The following DYM variants were observed in gnomAD, a reference collection of about 807,000 sequenced individuals.
DYM encodes the protein dymeclin.
In DYM, 78 loss-of-function variants were observed where a neutral mutation model predicts 93.1. That is an observed-to-expected ratio of 0.84 (90% CI 0.70 to 1.01). DYM has a LOEUF of 1.01. DYM is among the 50% of genes least tolerant of loss of function. The probability of loss-of-function intolerance (pLI) is 0.00; values close to 1 mark genes in which losing one functional copy is unlikely to be tolerated. For synonymous variants in DYM, 321 were observed against 319.7 expected (o/e 1.00, Z -0.04); for missense variants, 789 against 845.0 (o/e 0.93, Z 0.82).
intron 2 of DYM, among the ~76,000 whole-genome samples, chr18:49,411,701 T>C (rs1048628684): frequency 1.3e-5 from 2 of 152,184 alleles, no homozygotes; most frequent in African/African-American, 4.8e-5. Flanking sequence ...ACATAAACAC[T>C]GAAAATCCTT....
At chr18:49,072,436 C>T (rs1452428505) in intron 17 of DYM, among the ~76,000 whole-genome samples, 1 of 152,140 alleles carries the variant, frequency 6.6e-6, no homozygotes, top group African/African-American at 2.4e-5. Flanking sequence ...TGAAAGTAGC[C>T]CCCAGACTCA....
chr18:49,202,586 A>G (rs1377571247), intron 14 of DYM, among the ~76,000 whole-genome samples: 23 of 124,246 alleles, frequency 1.9e-4, no homozygotes, highest in African/African-American at 7.4e-4. Flanking sequence ...CTAGGAAGTG[A>G]GGAGCGTCTC....
chr18:49,340,436 T>C (rs1013185652), intron 6 of DYM, among the ~76,000 whole-genome samples: 1 of 152,100 alleles, frequency 6.6e-6, no homozygotes, highest in Non-Finnish European at 1.5e-5. Context: ...AACATACATA[T>C]GTAGAAGTAA....
chr18:49,256,403 G>A (rs941441180), intron 13 of DYM, among the ~76,000 whole-genome samples: 3 of 152,140 alleles, frequency 2.0e-5, no homozygotes, highest in Admixed American at 6.6e-5. Context: ...ACAGAGGAAG[G>A]GGCCATGAGC....
intron 13 of DYM, among the ~76,000 whole-genome samples, chr18:49,225,007 A>T (rs2144211917): frequency 6.6e-6 from 1 of 152,230 alleles, no homozygotes; most frequent in Non-Finnish European, 1.5e-5. Flanking sequence ...CGAGACAGAA[A>T]ATGTCCACTG....
At chr18:49,104,691 C>T (rs1257189424) in intron 16 of DYM, among the ~76,000 whole-genome samples, 1 of 152,102 alleles carries the variant, frequency 6.6e-6, no homozygotes, top group Admixed American at 6.6e-5. Flanking sequence ...GTCATTGGTT[C>T]TGTTTATATG....
intron 15 of DYM, among the ~76,000 whole-genome samples, chr18:49,127,312 G>A (rs1233176485): frequency 1.3e-5 from 2 of 152,194 alleles, no homozygotes; most frequent in African/African-American, 4.8e-5. Flanking sequence ...CAAATTCTAT[G>A]CGAAGTAGTA....
intron 13 of DYM, among the ~76,000 whole-genome samples, chr18:49,227,115 T>A (rs2093560408): frequency 6.6e-6 from 1 of 152,170 alleles, no homozygotes; most frequent in Admixed American, 6.5e-5. Flanking sequence ...TAAACAGGTA[T>A]AAAATAGCAC....
intron 15 of DYM, among the ~76,000 whole-genome samples, chr18:49,135,109 G>A (rs1371437010): frequency 6.6e-6 from 1 of 151,406 alleles, no homozygotes; most frequent in Admixed American, 6.6e-5. Context: ...ACTCCATCTC[G>A]GAAAAAAACA....
chr18:49,434,894 T>C (rs1419544046), intron 1 of DYM, among the ~76,000 whole-genome samples: 1 of 151,986 alleles, frequency 6.6e-6, no homozygotes, highest in African/African-American at 2.4e-5. Flanking sequence ...AAAAAATTTA[T>C]AAACTGAGCT....
chr18:49,189,260 G>A (rs1434137066), intron 14 of DYM, among the ~76,000 whole-genome samples: 3 of 152,136 alleles, frequency 2.0e-5, no homozygotes. Context: ...TCAGCATCAT[G>A]CAATATATCC....
chr18:49,059,110 C>T (rs1233841414), intron 17 of DYM, among the ~76,000 whole-genome samples: 1 of 152,172 alleles, frequency 6.6e-6, no homozygotes, highest in Non-Finnish European at 1.5e-5. Flanking sequence ...AAAGATGTTT[C>T]AAGATAAAAC....
Position 49,439,424 on chromosome 18 carries a change from G to A in DYM, c.-53-8977C>T, listed in dbSNP as rs1161573468. On this transcript the variant is annotated intron_variant, in intron 1 of 17. Coordinates refer to ENST00000675505, the MANE Select transcript of DYM (RefSeq NM_001353214.3). The stretch of plus-strand genomic sequence containing the variant: ...ACTACTCCCCTAAAGCTGCAATTAC[G>A]TAAAAGCTGCCTTGAAATGTTATTT... Among the ~76,000 whole-genome samples the A allele has an allele frequency of 5.9e-5, 9 of 152,082 alleles. 1 individual carries two copies. In the South Asian group the frequency reaches 8.3e-4, roughly 14 times the overall value.
chr18:49,298,274 T>C (rs1167959684), intron 8 of DYM, among the ~76,000 whole-genome samples: 1 of 152,172 alleles, frequency 6.6e-6, no homozygotes, highest in Non-Finnish European at 1.5e-5. Flanking sequence ...TATCCACCTT[T>C]GTAGTTTCAA....
intron 14 of DYM, among the ~76,000 whole-genome samples, chr18:49,167,015 T>C (rs1282591959): frequency 6.7e-6 from 1 of 150,208 alleles, no homozygotes; most frequent in East Asian, 1.9e-4. Flanking sequence ...TGTGTGTGTG[T>C]GTGTGTGTGT....
At chr18:49,232,149 T>TA (rs1376855092) in intron 13 of DYM, among the ~76,000 whole-genome samples, 1 of 152,142 alleles carries the variant, frequency 6.6e-6, no homozygotes, top group African/African-American at 2.4e-5. Context: ...GAAAGACAGG[T>TA]ACGTTATGAA....
rs765098060 is a variant in DYM at position 49,352,355 on chromosome 18, T to C, written c.494+10806A>G. On this transcript the variant is annotated intron_variant, in intron 6 of 17. Coordinates refer to ENST00000675505, the MANE Select transcript of DYM (RefSeq NM_001353214.3). ...TTGTAGAAGTTAGAAAGCTGAATTT[T>C]GTAGCATATGAATGCTATCTCAATA... 3.2e-4 allele frequency among the ~76,000 whole-genome samples: 49 copies of C among 152,224 alleles called. 1 individual carries two copies. The highest frequency in any genetic ancestry group is 6.5e-5 in the Admixed American group (1 of 15,276).
intron 8 of DYM, among the ~76,000 whole-genome samples, chr18:49,302,111 CAAT>C (rs1483813734): frequency 6.6e-6 from 1 of 152,136 alleles, no homozygotes; most frequent in African/African-American, 2.4e-5. Flanking sequence ...AAGCCAATGA[CAAT>C]GATACAAAAA....
chr18:49,445,660 A>G (rs913217498), intron 1 of DYM, among the ~76,000 whole-genome samples: 1 of 152,196 alleles, frequency 6.6e-6, no homozygotes, highest in Non-Finnish European at 1.5e-5. Context: ...CAAGTCAGGC[A>G]TGGTGGGGAT....
Sources: allele counts gnomAD v4.1 joint callset (sites outside exome capture counted in the v4.1 genomes callset), GRCh38; gene constraint gnomAD v4.1.1; transcripts MANE v1.5; gene names NCBI Gene and HGNC (gene_info 2026-07-23, HGNC 2026-07-21).